SLC44A3: variants seen among roughly 807,000 people sequenced by gnomAD.
SLC44A3 encodes the protein solute carrier family 44 member 3.
Under a neutral mutation model 75.4 loss-of-function variants are expected in SLC44A3, and 74 were observed. That is an observed-to-expected ratio of 0.98 (90% CI 0.81 to 1.19). SLC44A3 has a LOEUF of 1.19. Ranked by LOEUF, SLC44A3 falls within the 50% of genes most tolerant of loss-of-function variation. The pLI, the probability that SLC44A3 is intolerant of heterozygous loss-of-function variation, is 0.00. For missense variants in SLC44A3, 700 were observed against 778.6 expected, an observed-to-expected ratio of 0.90 and a Z score of 1.20; for synonymous variants, 310 against 296.9, an observed-to-expected ratio of 1.04 and a Z score of -0.45.
chr1:94,833,757 T>TA (rs1015200717), intron 5 of SLC44A3, among the ~76,000 whole-genome samples: 309 of 147,168 alleles, frequency 2.1e-3, no homozygotes, highest in Admixed American at 7.2e-3. Flanking sequence ...ACAAGTCTAG[T>TA]AAAAAAAAAA....
chr1:94,827,297 T>C (rs1661501978), intron 3 of SLC44A3: 1 of 595,372 alleles, frequency 1.7e-6, no homozygotes, highest in Non-Finnish European at 2.9e-6. Context: ...AATAAAGCTT[T>C]GTTAATGTTT....
chr1:94,891,361 TACTC>T, intron 13 of SLC44A3, 94 bp downstream of exon 13: 1 of 1,270,434 alleles, frequency 7.9e-7, no homozygotes, highest in Non-Finnish European at 1.1e-6. Flanking sequence ...CTTGAGTACT[TACTC>T]TATAGTGGGT....
At chr1:94,847,950 C>T (rs139024546) in intron 9 of SLC44A3, among the ~76,000 whole-genome samples, 29 of 152,188 alleles carry the variant, frequency 1.9e-4, no homozygotes, top group South Asian at 6.2e-4. Context: ...CTCTTTAGGC[C>T]GGGTGCAGTG....
At chr1:94,850,937 G>A (rs989119667) in intron 9 of SLC44A3, among the ~76,000 whole-genome samples, 1 of 152,120 alleles carries the variant, frequency 6.6e-6, no homozygotes, top group African/African-American at 2.4e-5. Context: ...TAGTGGCCCA[G>A]TCTTGTTCTA....
At chr1:94,843,661 A>T (rs1004379702) in intron 8 of SLC44A3, 1 of 152,306 alleles carries the variant, frequency 6.6e-6, no homozygotes, top group African/African-American at 2.4e-5. Context: ...CAGGGGTGTG[A>T]CTTGCAGGAA....
intron 9 of SLC44A3, among the ~76,000 whole-genome samples, chr1:94,852,061 A>G (rs1012779985): frequency 6.6e-6 from 1 of 152,232 alleles, no homozygotes. Context: ...CTTTAATAGA[A>G]TATATTACTT....
rs573663268 is a variant in SLC44A3, at chr1:94,826,422, C to T, written c.279-1085C>T. On this transcript the variant is annotated intron_variant, in intron 3 of 14. Transcript: ENST00000271227. The stretch of plus-strand genomic sequence containing the variant: ...ATCCCAACAGTTTGGAAGGCCAAGG[C>T]GGGCAGATCCACAGGGTCAGGAGTT... Among the ~76,000 whole-genome samples, 348 of 152,198 alleles carry T rather than the reference C, an allele frequency of 2.3e-3. 1 individual carries two copies. Among genetic ancestry groups the T allele is most frequent in the African/African-American group, 7.9e-3 (328 of 41,538 alleles).
rs577939965 is a variant in SLC44A3, at chr1:94,857,600, C to T, written c.1238+100C>T. 1.6e-5 allele frequency: 20 copies of T among 1,250,370 alleles called. No individual in the cohort carries two copies. The East Asian group carries it at 5.3e-4, about 33-fold the overall frequency. 77.5% of individuals were successfully genotyped at this position (1,250,370 alleles called of 1,614,324 possible). A position where few individuals can be genotyped will look rare whatever the true frequency, so the allele number is the denominator to read the frequency against. On this transcript the variant is annotated intron_variant, in intron 10 of 14. Coordinates refer to ENST00000271227, the MANE Select transcript of SLC44A3 (RefSeq NM_001114106.3). ...ATATTTGGGAATGTTGACCTAGCCC[C>T]TTAAAAGAAGTTGGCAAGAATAAAA...
intron 12 of SLC44A3, among the ~76,000 whole-genome samples, chr1:94,890,272 CTAAA>C (rs1233393350): frequency 6.6e-6 from 1 of 152,152 alleles, no homozygotes; most frequent in South Asian, 2.1e-4. Flanking sequence ...ACATACCTCT[CTAAA>C]TACTTTTTTT....
rs1050375368 is a variant in SLC44A3, at chr1:94,820,437, G to T, written c.-15G>T. The T allele has an allele frequency of 2.8e-5, 41 of 1,449,566 alleles. No individual in the cohort carries two copies. Among genetic ancestry groups the T allele is most frequent in the Non-Finnish European group, 3.7e-5 (41 of 1,103,548 alleles). 89.8% of individuals were successfully genotyped at this position (1,449,566 alleles called of 1,614,324 possible). On this transcript the variant is annotated 5_prime_UTR_variant, in exon 1 of 15. Coordinates refer to ENST00000271227, the MANE Select transcript of SLC44A3 (RefSeq NM_001114106.3). ...CGGCGGCTCCCAGTCACCGGCCCCC[G>T]CCGGCGAGCGCACGATGCACTGCCT... is the stretch of plus-strand genomic sequence containing the variant.
chr1:94,845,590 C>T (rs997281292), intron 9 of SLC44A3, 126 bp downstream of exon 9: 5 of 841,900 alleles, frequency 5.9e-6, no homozygotes, highest in African/African-American at 3.4e-5. Flanking sequence ...ATGACAGCAG[C>T]GTTGGTGCTT....
chr1:94,832,005 A>G (rs1662195681), intron 5 of SLC44A3, among the ~76,000 whole-genome samples: 2 of 152,160 alleles, frequency 1.3e-5, no homozygotes. Context: ...CGTCTCTACT[A>G]AAAATACAAA....
rs182469575 is a variant in SLC44A3 at position 94,869,352 on chromosome 1, A to C, written c.1482+1935A>C. On this transcript the variant is annotated intron_variant, in intron 12 of 14. Coordinates refer to ENST00000271227, the MANE Select transcript of SLC44A3 (RefSeq NM_001114106.3). ...ATGGAAGTAATGATCCCTGATTCAC[A>C]AAAAAACTAAGCCAGCCTTGATCCA... Among the ~76,000 whole-genome samples, 270 of 152,334 alleles carry C rather than the reference A, an allele frequency of 1.8e-3. 2 individuals are homozygous for C. Among genetic ancestry groups the C allele is most frequent in the Non-Finnish European group, 3.0e-3 (206 of 68,038 alleles).
chr1:94,828,609 C>G (rs752165773), intron 5 of SLC44A3, 23 bp downstream of exon 5: 1 of 1,608,090 alleles, frequency 6.2e-7, no homozygotes, highest in African/African-American at 1.3e-5. Flanking sequence ...ATACTTTTTC[C>G]TTAACTCTAA....
At chr1:94,820,772 G>C (rs1660456516) in intron 1 of SLC44A3, 177 bp from the exon 2 acceptor site, 1 of 1,395,388 alleles carries the variant, frequency 7.2e-7, no homozygotes, top group African/African-American at 1.4e-5. Context: ...CGCAGAGCAG[G>C]TGTTTCAAAG....
intron 10 of SLC44A3, among the ~76,000 whole-genome samples, chr1:94,861,950 A>C (rs1666630244): frequency 6.6e-6 from 1 of 152,192 alleles, no homozygotes; most frequent in Admixed American, 6.5e-5. Flanking sequence ...TCAAATATAC[A>C]AAAGAGGGTT....
intron 4 of SLC44A3, among the ~76,000 whole-genome samples, chr1:94,828,054 T>C (rs1232941712): frequency 2.0e-5 from 3 of 152,182 alleles, no homozygotes; most frequent in Non-Finnish European, 2.9e-5. Flanking sequence ...CATGAGATTT[T>C]TGGGGCCAAT....
chr1:94,836,480 C>T (rs1425145672), intron 5 of SLC44A3, among the ~76,000 whole-genome samples: 3 of 152,236 alleles, frequency 2.0e-5, no homozygotes, highest in Admixed American at 6.5e-5. Context: ...CCTTCCTAAA[C>T]AGGACGGAAT....
intron 12 of SLC44A3, among the ~76,000 whole-genome samples, chr1:94,871,650 T>C (rs1667774875): frequency 6.6e-6 from 1 of 152,246 alleles, no homozygotes; most frequent in Non-Finnish European, 1.5e-5. Context: ...CCTCTAAGTA[T>C]GAAACCCACT....
Sources: allele counts gnomAD v4.1 joint callset (sites outside exome capture counted in the v4.1 genomes callset), GRCh38; gene constraint gnomAD v4.1.1; transcripts MANE v1.5; gene names NCBI Gene and HGNC (gene_info 2026-07-23, HGNC 2026-07-21).